The following PTPRN2 variants were observed in gnomAD, a reference collection of about 807,000 sequenced individuals.
PTPRN2 encodes the protein protein tyrosine phosphatase receptor type N2.
PTPRN2 carries 74 observed loss-of-function variants against 118.8 expected under a neutral mutation model. The ratio of observed to expected loss-of-function variants is 0.62; its 90% CI spans 0.52 to 0.76. PTPRN2 has a LOEUF of 0.76. Ranked by LOEUF, PTPRN2 falls within the 30% of genes least tolerant of loss-of-function variation. PTPRN2 has a pLI of 0.00. For synonymous variants in PTPRN2, 641 were observed against 608.0 expected, an observed-to-expected ratio of 1.05 and a Z score of -0.80; for missense variants, 1,481 against 1,394.4, an observed-to-expected ratio of 1.06 and a Z score of -0.99.
At position 158,068,460 on chromosome 7, in the gene PTPRN2, G is replaced by A. The variant is rs548212449; in HGVS notation, c.1723+12838C>T. Among the ~76,000 whole-genome samples the A allele has an allele frequency of 2.0e-3, 307 of 152,212 alleles. 1 individual carries two copies. Among genetic ancestry groups the A allele is most frequent in the African/African-American group, 6.9e-3 (287 of 41,524 alleles). On this transcript the variant is annotated intron_variant, in intron 11 of 22. Transcript: ENST00000389418. ...GGTGCCCAGCACCACCTTTGCACTC[G>A]GCACCACCTTTGCACTCAGCAGAAC...
intron 10 of PTPRN2, among the ~76,000 whole-genome samples, chr7:158,082,719 A>G (rs972202860): frequency 3.9e-5 from 6 of 152,240 alleles, no homozygotes; most frequent in Non-Finnish European, 8.8e-5. Context: ...AAACCCTTGG[A>G]AAATGCACCA....
At chr7:158,221,837 GA>G (rs1828402183) in intron 3 of PTPRN2, among the ~76,000 whole-genome samples, 1 of 151,908 alleles carries the variant, frequency 6.6e-6, no homozygotes, top group Non-Finnish European at 1.5e-5. Context: ...GCATCCAAAA[GA>G]AATTTAATAT....
intron 11 of PTPRN2, among the ~76,000 whole-genome samples, chr7:157,988,313 A>T (rs1803966358): frequency 6.8e-6 from 1 of 147,342 alleles, no homozygotes; most frequent in Non-Finnish European, 1.5e-5. Flanking sequence ...TCTCTCTCTC[A>T]TTTCCCCCTA....
intron 16 of PTPRN2, among the ~76,000 whole-genome samples, chr7:157,597,027 C>T (rs1456924343): frequency 6.6e-6 from 1 of 152,108 alleles, no homozygotes; most frequent in African/African-American, 2.4e-5. Context: ...CCAGTGAGTC[C>T]CCGTGCAGCC....
intron 3 of PTPRN2, among the ~76,000 whole-genome samples, chr7:158,300,591 G>GCCCGCCACCCAGTCCCGCAGCGCCTCGC (rs1800824159): frequency 2.0e-5 from 3 of 152,338 alleles, no homozygotes; most frequent in Admixed American, 6.5e-5. Flanking sequence ...GCAGCGCCTC[G>GCCCGCCACCCAGTCCCGCAGCGCCTCGC]CCCCCCACGT....
chr7:157,747,845 G>A (rs1321575129), intron 12 of PTPRN2, among the ~76,000 whole-genome samples: 3 of 115,788 alleles, frequency 2.6e-5, no homozygotes, highest in African/African-American at 3.9e-5. Flanking sequence ...TGGGCTGTCC[G>A]GGTGATTCTG....
chr7:158,496,441 G>T (rs1456187065), intron 1 of PTPRN2, among the ~76,000 whole-genome samples: 34 of 28,938 alleles, frequency 1.2e-3, no homozygotes, highest in African/African-American at 5.5e-3. Context: ...CCTTCCCTGC[G>T]CCCCCTCCAC....
chr7:158,331,929 T>G (rs4909179), intron 2 of PTPRN2, among the ~76,000 whole-genome samples: 7 of 146,232 alleles, frequency 4.8e-5, no homozygotes, highest in Non-Finnish European at 4.5e-5. Flanking sequence ...CGCCCGCAGA[T>G]GTCACTCACA....
intron 12 of PTPRN2, among the ~76,000 whole-genome samples, chr7:157,875,684 G>T (rs1394530567): frequency 6.6e-6 from 1 of 152,218 alleles, no homozygotes; most frequent in African/African-American, 2.4e-5. Context: ...GCAGCACCTT[G>T]GGCCTCGGGG....
intron 10 of PTPRN2, among the ~76,000 whole-genome samples, chr7:158,100,782 G>A (rs751921653): frequency 6.6e-5 from 10 of 152,118 alleles, no homozygotes; most frequent in Non-Finnish European, 1.5e-4. Flanking sequence ...TCTTTGTAGA[G>A]TCTGGATATT....
chr7:158,193,108 C>T (rs1447176321), intron 4 of PTPRN2, among the ~76,000 whole-genome samples: 2 of 152,260 alleles, frequency 1.3e-5, no homozygotes, highest in African/African-American at 4.8e-5. Context: ...TCGCGTGCAC[C>T]ATGCAGGGCA....
intron 12 of PTPRN2, among the ~76,000 whole-genome samples, chr7:157,812,183 A>T (rs1806087243): frequency 6.6e-6 from 1 of 152,144 alleles, no homozygotes; most frequent in Non-Finnish European, 1.5e-5. Context: ...GCACCCCAAC[A>T]TCGCAGCCCC....
rs1157927529 is a variant in PTPRN2, at chr7:157,874,805, A to G, written c.1788+23868T>C. ...CACACTCATACACATATACACACAG[A>G]GACACACTCATGGACACACACAGAG... On this transcript the variant is annotated intron_variant, in intron 12 of 22. Transcript: ENST00000389418. This position sits in a 1 kb window ranked among gnomAD's most constrained non-coding sequence, Gnocchi z 5.8. Among the ~76,000 whole-genome samples, 1 of 112,392 alleles carries G rather than the reference A, an allele frequency of 8.9e-6. No homozygotes were observed. The highest frequency in any genetic ancestry group is 9.5e-5 in the Admixed American group (1 of 10,522). 73.7% of individuals were successfully genotyped at this position (112,392 alleles called of 152,430 possible). A position where few individuals can be genotyped will look rare whatever the true frequency, so the allele number is the denominator to read the frequency against.
intron 2 of PTPRN2, among the ~76,000 whole-genome samples, chr7:158,340,996 A>G: frequency 1.4e-5 from 1 of 69,266 alleles, no homozygotes; most frequent in Non-Finnish European, 3.1e-5. Flanking sequence ...CTCTCACCAT[A>G]AGAGGTGAAA....
At chr7:158,478,952 CGACA>C (rs1724114803) in intron 2 of PTPRN2, among the ~76,000 whole-genome samples, 1 of 152,044 alleles carries the variant, frequency 6.6e-6, no homozygotes, top group African/African-American at 2.4e-5. Context: ...CGTGTCACCG[CGACA>C]GTCACTGGGG....
chr7:157,595,342 G>C (rs371996360), intron 16 of PTPRN2, 27 bp from the exon 17 acceptor site: 4 of 1,604,726 alleles, frequency 2.5e-6, no homozygotes, highest in Non-Finnish European at 3.4e-6. Context: ...ACACCACAGC[G>C]GTTAGCCAGG....
In PTPRN2 at chr7:157,845,752, G is replaced by A. The variant is rs983548962; in HGVS notation, c.1788+52921C>T. The stretch of plus-strand genomic sequence containing the variant: ...CCCTGTGCTCATGACTCACAGAGAC[G>A]GGGACGGCAGCAAGGACACAGCAGG... On this transcript the variant is annotated intron_variant, in intron 12 of 22. Transcript: ENST00000389418. The surrounding 1 kb of genome is among the most constrained non-coding windows in gnomAD (Gnocchi z 4.5). 6.6e-6 allele frequency among the ~76,000 whole-genome samples: 1 copy of A among 152,138 alleles called. No homozygotes were observed. The highest frequency in any genetic ancestry group is 1.5e-5 in the Non-Finnish European group (1 of 68,032).
intron 12 of PTPRN2, among the ~76,000 whole-genome samples, chr7:157,720,987 G>C (rs1799201204): frequency 2.6e-5 from 4 of 152,202 alleles, no homozygotes; most frequent in Admixed American, 2.6e-4. Flanking sequence ...GGAGGTAGGT[G>C]TGGGGGCTCG....
At chr7:158,243,507 G>C (rs570676753) in intron 3 of PTPRN2, among the ~76,000 whole-genome samples, 1 of 152,350 alleles carries the variant, frequency 6.6e-6, no homozygotes, top group South Asian at 2.1e-4. Flanking sequence ...GGTTACTCGT[G>C]TTTTCCAGAT....
Sources: gnomAD v4.1 joint callset for allele counts (sites outside exome capture counted in the v4.1 genomes callset) on GRCh38, gnomAD v4.1.1 for gene constraint, Gnocchi (gnomAD v3.1) non-coding constraint, MANE v1.5 for transcripts, NCBI Gene and HGNC (gene_info 2026-07-23, HGNC 2026-07-21) for gene names.